The following FANCA variants were observed in gnomAD, a reference collection of about 807,000 sequenced individuals.
The protein encoded by FANCA is Fanconi anemia group A protein.
Under a neutral mutation model 194.3 loss-of-function variants are expected in FANCA, and 236 were observed. The ratio of observed to expected loss-of-function variants is 1.21; its 90% CI spans 1.09 to 1.35. The LOEUF (loss-of-function observed/expected upper bound fraction) is 1.35. FANCA is among the 40% of genes most tolerant of loss of function. The probability of loss-of-function intolerance (pLI) is 0.00; values close to 1 mark genes in which losing one functional copy is unlikely to be tolerated. For synonymous variants in FANCA, 1,014 were observed against 715.8 expected (o/e 1.42, Z -6.65); for missense variants, 2,628 against 1,813.9 (o/e 1.45, Z -8.15).
intron 8 of FANCA, among the ~76,000 whole-genome samples, chr16:89,800,782 G>C (rs2040419517): frequency 6.6e-6 from 1 of 151,874 alleles, no homozygotes; most frequent in Non-Finnish European, 1.5e-5. Context: ...TGTAATCCCA[G>C]CACTTTCGGA....
In FANCA at chr16:89,815,886, A is replaced by G; in HGVS notation, c.180T>C (p.Leu60=). 6.2e-7 allele frequency: 1 copy of G among 1,612,566 alleles called. No individual in the cohort carries two copies. Among genetic ancestry groups the G allele is most frequent in the Non-Finnish European group, 8.5e-7 (1 of 1,178,576 alleles). The change falls in exon 2 of 43, where the codon CTT becomes CTC. Residue 60 remains leucine, a synonymous_variant. Coordinates refer to ENST00000389301, the MANE Select transcript of FANCA (RefSeq NM_000135.4). ...LLRSHQDLNA[L]LLEVEGPLCK... ...ACCAGCTTCCTCTTACCTCAAGCAA[A>G]AGGGCATTCAGGTCCTGATGGCTTC...
chr16:89,805,242 A>G, intron 7 of FANCA, 38 bp downstream of exon 7: 1 of 1,492,402 alleles, frequency 6.7e-7, no homozygotes, highest in South Asian at 1.1e-5. Context: ...GATCAAAATG[A>G]GTTTTACCCA....
At chr16:89,810,402 T>A (rs1379285605) in intron 5 of FANCA, among the ~76,000 whole-genome samples, 4 of 151,596 alleles carry the variant, frequency 2.6e-5, no homozygotes, top group East Asian at 1.9e-4. Flanking sequence ...CATTTTTTTT[T>A]AATAGTTTAC....
intron 3 of FANCA, among the ~76,000 whole-genome samples, chr16:89,811,641 A>G (rs1598192298): frequency 6.6e-6 from 1 of 152,240 alleles, no homozygotes; most frequent in Non-Finnish European, 1.5e-5. Flanking sequence ...ACTGGTCTGC[A>G]TTCAATAAAG....
At chr16:89,787,597 G>A (rs1304426282) in intron 14 of FANCA, among the ~76,000 whole-genome samples, 3 of 152,024 alleles carry the variant, frequency 2.0e-5, no homozygotes, top group African/African-American at 7.2e-5. Flanking sequence ...TTAGCCAGGT[G>A]TGGTGACATA....
rs1183087111 is a variant in FANCA, at chr16:89,816,608, T to G, written c.8A>C (p.Asp3Ala). MSDSWVPNSASGQ... is the reference protein window; with the variant it reads MSASWVPNSASGQ... ...CGAGGCGGAGTTCGGGACCCACGAGTCGGACATGGCCTTGGCGCCTACAGC... is the reference window on the plus strand; with the variant it reads ...CGAGGCGGAGTTCGGGACCCACGAGGCGGACATGGCCTTGGCGCCTACAGC... Residue 3 changes from aspartate to alanine, a missense_variant, in exon 1 of 43, where the codon GAC becomes GCC. Physicochemically the swap from Asp to Ala is moderately radical, Grantham distance 126. Transcript: ENST00000389301. 5.2e-5 allele frequency: 79 copies of G among 1,524,802 alleles called. No individual in the cohort carries two copies. Among genetic ancestry groups the G allele is most frequent in the Non-Finnish European group, 6.7e-5 (77 of 1,144,110 alleles). 94.5% of individuals were successfully genotyped at this position (1,524,802 alleles called of 1,614,324 possible). A position where few individuals can be genotyped will look rare whatever the true frequency, so the allele number is the denominator to read the frequency against.
In FANCA at chr16:89,799,671, T is replaced by G. The variant is rs774366209; in HGVS notation, c.793-33A>C. ...AATAGAATGTGAGTTACCATCTTGG[T>G]AATCTTCTGTAATTTGTGTGATACC... On this transcript the variant is annotated intron_variant, in intron 8 of 42. Transcript: ENST00000389301. 5.1e-6 allele frequency: 8 copies of G among 1,561,496 alleles called. No individual in the cohort carries two copies. In the East Asian group the frequency reaches 1.4e-4, roughly 26 times the overall value.
intron 27 of FANCA, among the ~76,000 whole-genome samples, chr16:89,766,433 G>T (rs2039129755): frequency 6.6e-6 from 1 of 151,924 alleles, no homozygotes; most frequent in Non-Finnish European, 1.5e-5. Context: ...TCTGGGCCGG[G>T]CACCAGCGGC....
chr16:89,790,726 G>A (rs1379624159), intron 14 of FANCA, among the ~76,000 whole-genome samples: 2 of 149,864 alleles, frequency 1.3e-5, no homozygotes, highest in South Asian at 2.1e-4. Flanking sequence ...GGCGACAGAG[G>A]AAGACTCCAT....
At chr16:89,768,672 A>T (rs996801036) in intron 26 of FANCA, among the ~76,000 whole-genome samples, 2 of 150,942 alleles carry the variant, frequency 1.3e-5, no homozygotes, top group Non-Finnish European at 2.9e-5. Context: ...AAAACCAAAA[A>T]CCAAAAAACA....
chr16:89,737,728 G>A lies in FANCA; in HGVS notation c.*873C>T. 15 of 1,602,474 alleles carry A rather than the reference G, an allele frequency of 9.4e-6. No homozygotes were observed. Among genetic ancestry groups the A allele is most frequent in the Non-Finnish European group, 1.2e-5 (14 of 1,171,736 alleles). On this transcript the variant is annotated 3_prime_UTR_variant, in exon 43 of 43. Coordinates refer to ENST00000389301, the MANE Select transcript of FANCA (RefSeq NM_000135.4). ...GCAGAAATGTCTTCCCAGCTGTGATGGTTTCACATTGTCATCGTCGTCCCC... is the reference window on the plus strand; with the variant it reads ...GCAGAAATGTCTTCCCAGCTGTGATAGTTTCACATTGTCATCGTCGTCCCC...
At chr16:89,768,938 G>A (rs2039223570) in intron 26 of FANCA, among the ~76,000 whole-genome samples, 1 of 152,084 alleles carries the variant, frequency 6.6e-6, no homozygotes, top group Non-Finnish European at 1.5e-5. Context: ...TGGGGCCTGG[G>A]GTGAGTGGGG....
Position 89,792,207 on chromosome 16 carries a change from C to T in FANCA, c.1084-139G>A. The T allele has an allele frequency of 4.7e-6, 5 of 1,069,130 alleles. No individual in the cohort carries two copies. The Admixed American group carries it at 5.4e-5, about 12-fold the overall frequency. 66.2% of individuals were successfully genotyped at this position (1,069,130 alleles called of 1,614,324 possible). A position where few individuals can be genotyped will look rare whatever the true frequency, so the allele number is the denominator to read the frequency against. ...AAGGTAACACATGGAGCTGTGACAG[C>T]TCACACCGTGGCGTCTCTCCCCTCA... On this transcript the variant is annotated intron_variant, in intron 12 of 42. Transcript: ENST00000389301.
chr16:89,775,909 T>C (rs1443913184), intron 20 of FANCA, 94 bp from the exon 21 acceptor site: 1 of 708,814 alleles, frequency 1.4e-6, no homozygotes, highest in Non-Finnish European at 2.3e-6. Context: ...AAAAACATAT[T>C]AAATTTAAAT....
At chr16:89,801,274 G>A (rs111313004) in intron 8 of FANCA, among the ~76,000 whole-genome samples, 14 of 150,186 alleles carry the variant, frequency 9.3e-5, no homozygotes, top group African/African-American at 3.2e-4. Flanking sequence ...AACCCCGGAG[G>A]CGGAGCTTGC....
chr16:89,792,278 G>A (rs1253822343), intron 12 of FANCA, among the ~76,000 whole-genome samples, 193 bp downstream of exon 12: 3 of 152,168 alleles, frequency 2.0e-5, no homozygotes, highest in African/African-American at 7.2e-5. Flanking sequence ...ATCTCAAGGA[G>A]GAGGGGCTCG....
Position 89,770,373 on chromosome 16 carries a change from G to C in FANCA, c.2223-114C>G, listed in dbSNP as rs886952. On this transcript the variant is annotated intron_variant, in intron 24 of 42. Transcript: ENST00000389301. Reference sequence around the variant, plus strand: ...AAGAGCCAAGCTGTTCCCCAAAACAGTGGTCTTTCTGGAAGACAACCCATC... The same window carrying C: ...AAGAGCCAAGCTGTTCCCCAAAACACTGGTCTTTCTGGAAGACAACCCATC... The C allele has an allele frequency of 2.7e-6, 3 of 1,103,638 alleles. No homozygotes were observed. The African/African-American group carries it at 4.7e-5, about 17-fold the overall frequency. The allele number at this position is 1,103,638 out of a possible 1,614,324, so 68.4% of individuals were successfully genotyped here.
intron 2 of FANCA, 128 bp from the exon 3 acceptor site, chr16:89,814,741 G>C: frequency 1.4e-6 from 1 of 690,942 alleles, no homozygotes; most frequent in Non-Finnish European, 2.6e-6. Context: ...AAGAGTTCGA[G>C]ACCAGCCTGG....
rs779839381 is a variant in FANCA, at chr16:89,805,296, G to A, written c.693C>T (p.Ala231=). 5 of 1,613,726 alleles carry A rather than the reference G, an allele frequency of 3.1e-6. No individual in the cohort carries two copies. Among genetic ancestry groups the A allele is most frequent in the Admixed American group, 1.7e-5 (1 of 59,988 alleles). Residue 231 remains alanine, a synonymous_variant, in exon 7 of 43, where the codon GCC becomes GCT. Coordinates refer to ENST00000389301, the MANE Select transcript of FANCA (RefSeq NM_000135.4). ...MEASCQHADV[A]RAMLSDFVQM... ...TGAACGCACCAGAAAGCATGGCCCT[G>A]GCGACGTCAGCATGCTGGCAGGATG...
Sources: gnomAD v4.1 joint callset for allele counts (sites outside exome capture counted in the v4.1 genomes callset) on GRCh38, gnomAD v4.1.1 for gene constraint, MANE v1.5 for transcripts, NCBI Gene and HGNC (gene_info 2026-07-23, HGNC 2026-07-21) for gene names.